The following PCDHA4 variants were observed in gnomAD, a reference collection of about 807,000 sequenced individuals.
PCDHA4 encodes protocadherin alpha-4.
A neutral mutation model predicts 61.4 loss-of-function variants in PCDHA4; 49 were observed. The observed-to-expected ratio is 0.80, with a 90% CI of 0.63 to 1.01. PCDHA4 has a LOEUF of 1.01. Among genes scored for constraint, PCDHA4 ranks in the 50% least tolerant of loss-of-function variants. The pLI is 0.00. For missense variants in PCDHA4, 1,254 were observed against 1,235.8 expected, an observed-to-expected ratio of 1.01 and a Z score of -0.22; for synonymous variants, 590 against 550.3, an observed-to-expected ratio of 1.07 and a Z score of -1.01.
In PCDHA4 at chr5:140,809,371, C is replaced by A. The variant is rs781936039; in HGVS notation, c.2184C>A (p.Thr728=). Residue 728 remains threonine, a synonymous_variant, in exon 1 of 4, where the codon ACC becomes ACA. Transcript: ENST00000530339. ...YTALRCSALP[T]EGACAPGKPT... ...CGCTGCGGTGCTCTGCGCTGCCCACCGAGGGCGCGTGCGCTCCGGGCAAGC... is the reference window on the plus strand; with the variant it reads ...CGCTGCGGTGCTCTGCGCTGCCCACAGAGGGCGCGTGCGCTCCGGGCAAGC... The A allele has an allele frequency of 4.3e-6, 7 of 1,613,986 alleles. No individual in the cohort carries two copies. In the South Asian group the frequency reaches 5.5e-5, roughly 13 times the overall value.
chr5:140,840,146 G>A (rs2150303879), intron 1 of PCDHA4, among the ~76,000 whole-genome samples: 10 of 152,008 alleles, frequency 6.6e-5, no homozygotes, highest in Admixed American at 3.3e-4. Flanking sequence ...ATTATCACAC[G>A]TGAAAGGAGA....
intron 2 of PCDHA4, among the ~76,000 whole-genome samples, chr5:140,982,130 G>A (rs1298475758): frequency 6.6e-6 from 1 of 152,228 alleles, no homozygotes; most frequent in African/African-American, 2.4e-5. Context: ...TTGAGAACAA[G>A]CCCTCCTCAT....
At chr5:141,001,216 G>T (rs938133871) in intron 3 of PCDHA4, among the ~76,000 whole-genome samples, 1 of 152,082 alleles carries the variant, frequency 6.6e-6, no homozygotes, top group Non-Finnish European at 1.5e-5. Context: ...GCTGTATAAG[G>T]ATAGTTACAT....
chr5:140,820,250 A>G (rs2150106374), intron 1 of PCDHA4, among the ~76,000 whole-genome samples: 2 of 152,032 alleles, frequency 1.3e-5, no homozygotes, highest in African/African-American at 4.8e-5. Context: ...TAAAAATCTT[A>G]TAAGGGAACT....
rs34213614 is a variant in PCDHA4 at position 140,896,536 on chromosome 5, C to CTT, written c.2386-82402_2386-82401dup. ...CACACCACAAAGCCCAGCTATTTTT[C>CTT]TTTTTTTTTTTTGTATTTTAAGTAG... On this transcript the variant is annotated intron_variant, in intron 1 of 3. Coordinates refer to ENST00000530339, the MANE Select transcript of PCDHA4 (RefSeq NM_018907.4). 2.9e-3 allele frequency among the ~76,000 whole-genome samples: 427 copies of CTT among 145,644 alleles called. 4 individuals are homozygous for CTT. Among genetic ancestry groups the CTT allele is most frequent in the African/African-American group, 7.7e-3 (305 of 39,602 alleles).
At chr5:140,969,038 A>G in intron 1 of PCDHA4, 1 of 1,614,148 alleles carries the variant, frequency 6.2e-7, no homozygotes, top group South Asian at 1.1e-5. Context: ...AGAACTGTAC[A>G]AACAAGCCAA....
At chr5:140,927,359 A>G in intron 1 of PCDHA4, 2 of 1,613,980 alleles carry the variant, frequency 1.2e-6, no homozygotes, top group Middle Eastern at 1.6e-4. Flanking sequence ...GAGGGAAGCA[A>G]TGGGATACTA....
At chr5:140,858,173 C>G (rs782491809) in intron 1 of PCDHA4, 1 of 1,597,720 alleles carries the variant, frequency 6.3e-7, no homozygotes, top group Admixed American at 1.7e-5. Context: ...GTCCAGCTTG[C>G]TGGTGCTCAC....
At chr5:140,857,787 T>C in intron 1 of PCDHA4, 1 of 1,597,564 alleles carries the variant, frequency 6.3e-7, no homozygotes, top group Non-Finnish European at 8.6e-7. Flanking sequence ...AGTGAGCTGG[T>C]GCTGCGGTCG....
intron 1 of PCDHA4, chr5:140,836,027 C>G: frequency 6.2e-7 from 1 of 1,613,456 alleles, no homozygotes; most frequent in Non-Finnish European, 8.5e-7. Context: ...TGGGCAGCAA[C>G]GTGACGCTGC....
intron 1 of PCDHA4, chr5:140,821,781 A>G (rs2150110654): frequency 1.2e-6 from 2 of 1,609,938 alleles, no homozygotes; most frequent in East Asian, 2.2e-5. Context: ...TTGAGATGGT[A>G]TATTCCCGGA....
In PCDHA4 at chr5:140,886,687, A is replaced by G. The variant is rs553566283; in HGVS notation, c.2385+77115A>G. On this transcript the variant is annotated intron_variant, in intron 1 of 3. Coordinates refer to ENST00000530339, the MANE Select transcript of PCDHA4 (RefSeq NM_018907.4). The stretch of plus-strand genomic sequence containing the variant: ...CTAAAAATACAAAAATTAGCGAGGC[A>G]TGGTGGCACGCGCCTGTAATCCCAG... Among the ~76,000 whole-genome samples, 418 of 152,114 alleles carry G rather than the reference A, an allele frequency of 2.7e-3. 2 individuals are homozygous for G. Among genetic ancestry groups the G allele is most frequent in the Middle Eastern group, 0.014 (4 of 294 alleles).
At position 140,852,833 on chromosome 5, in the gene PCDHA4, T is replaced by G. The variant is rs2150523071; in HGVS notation, c.2385+43261T>G. On this transcript the variant is annotated intron_variant, in intron 1 of 3. Coordinates refer to ENST00000530339, the MANE Select transcript of PCDHA4 (RefSeq NM_018907.4). ...CCCGCCCTAAGTCCTCCAGTCTCCT[T>G]AGAGCTAGTACTTACTAAGCATTTA... 7.2e-6 allele frequency: 7 copies of G among 971,734 alleles called. No individual in the cohort carries two copies. The African/African-American group carries it at 1.1e-4, about 15-fold the overall frequency. The allele number at this position is 971,734 out of a possible 1,614,324, so 60.2% of individuals were successfully genotyped here.
At chr5:140,833,459 T>TAA (rs1554133849) in intron 1 of PCDHA4, among the ~76,000 whole-genome samples, 3 of 152,166 alleles carry the variant, frequency 2.0e-5, no homozygotes, top group Non-Finnish European at 4.4e-5. Flanking sequence ...TAAAATAAAC[T>TAA]TACATTTTAA....
intron 1 of PCDHA4, chr5:140,967,928 A>T (rs1438894870): frequency 3.1e-6 from 5 of 1,614,082 alleles, no homozygotes; most frequent in Non-Finnish European, 3.4e-6. Flanking sequence ...GGCCGTTCTC[A>T]GTGTCAATGA....
At chr5:140,909,169 A>G (rs545864609) in intron 1 of PCDHA4, among the ~76,000 whole-genome samples, 1 of 152,356 alleles carries the variant, frequency 6.6e-6, no homozygotes, top group African/African-American at 2.4e-5. Context: ...AAATCAATCA[A>G]GTTCTCTCCA....
chr5:140,876,587 T>C (rs201129017), intron 1 of PCDHA4: 1 of 1,614,208 alleles, frequency 6.2e-7, no homozygotes, highest in African/African-American at 1.3e-5. Context: ...ATTGCCCTGA[T>C]TAGCGTGTCG....
In PCDHA4 at chr5:140,855,370, A is replaced by C. The variant is rs1007316942; in HGVS notation, c.2385+45798A>C. Among the ~76,000 whole-genome samples the C allele has an allele frequency of 2.7e-5, 4 of 150,058 alleles. 1 individual carries two copies. Among genetic ancestry groups the C allele is most frequent in the Non-Finnish European group, 6.0e-5 (4 of 67,120 alleles). On this transcript the variant is annotated intron_variant, in intron 1 of 3. Transcript: ENST00000530339. ...AGTCATGTGGCTAGTGAGTAGGATA[A>C]TAGGAATCTAAATGGAGAAATGTCT...
chr5:140,966,022 T>G (rs2095958244), intron 1 of PCDHA4, among the ~76,000 whole-genome samples: 1 of 151,842 alleles, frequency 6.6e-6, no homozygotes, highest in South Asian at 2.1e-4. Flanking sequence ...GATGTGGGAG[T>G]CAGGTGAATA....
Sources: gnomAD v4.1 joint callset for allele counts (sites outside exome capture counted in the v4.1 genomes callset) on GRCh38, gnomAD v4.1.1 for gene constraint, MANE v1.5 for transcripts, NCBI Gene and HGNC (gene_info 2026-07-23, HGNC 2026-07-21) for gene names.